The following NID2 variants were observed in gnomAD, a reference collection of about 807,000 sequenced individuals.
NID2 encodes the protein nidogen 2.
Under a neutral mutation model 145.4 loss-of-function variants are expected in NID2, and 83 were observed. The ratio of observed to expected loss-of-function variants is 0.57; its 90% CI spans 0.48 to 0.69. The LOEUF is 0.69. NID2 is among the 30% of genes least tolerant of loss of function. The pLI is 0.00. For synonymous variants in NID2, 739 were observed against 701.3 expected (o/e 1.05, Z -0.85); for missense variants, 1,807 against 1,765.7 (o/e 1.02, Z -0.42).
intron 19 of NID2, 74 bp downstream of exon 19, chr14:52,007,736 T>G: frequency 7.8e-7 from 1 of 1,288,692 alleles, no homozygotes; most frequent in Non-Finnish European, 1.1e-6. Context: ...GATTTCATTT[T>G]GTAGTAAAAT....
Position 52,038,766 on chromosome 14 carries a change from A to AT in NID2, c.2237dup (p.Asn746LysfsTer20). On this transcript the variant is annotated frameshift_variant, in exon 9 of 22. Transcript: ENST00000216286. LOFTEE classifies it high-confidence loss of function. ...CCTTACCTTTGACCGGGCCAATTTG[A>AT]TTGGTCACAGCAAATCTAAGCACTC... 10 of 1,580,270 alleles carry AT rather than the reference A, an allele frequency of 6.3e-6. No individual in the cohort carries two copies. The highest frequency in any genetic ancestry group is 7.7e-6 in the Non-Finnish European group (9 of 1,164,016).
chr14:52,051,541 G>A (rs940444076), intron 5 of NID2, among the ~76,000 whole-genome samples: 1 of 152,182 alleles, frequency 6.6e-6, no homozygotes, highest in Non-Finnish European at 1.5e-5. Flanking sequence ...ACCGGACAAT[G>A]TTCTGTGTCT....
Position 52,015,205 on chromosome 14 carries a change from G to T in NID2, c.3099C>A (p.Thr1033=). 6.2e-7 allele frequency: 1 copy of T among 1,614,098 alleles called. No individual in the cohort carries two copies. Among genetic ancestry groups the T allele is most frequent in the Non-Finnish European group, 8.5e-7 (1 of 1,179,986 alleles). Residue 1033 remains threonine (T), a synonymous_variant, in exon 15 of 22, where the codon ACC becomes ACA. Transcript: ENST00000216286. ...RENLLEHYGG[T]PRDDQYVPQC... ...GGGGCACGTACTGGTCATCCCGGGG[G>T]GTGCCACCGTAGTGCTCCAGCAGGT...
chr14:52,015,046 G>C lies in NID2; in HGVS notation c.3250+8C>G, dbSNP rs762065179. On this transcript the variant is annotated splice_region_variant and intron_variant, in intron 15 of 21. Coordinates refer to ENST00000216286, the MANE Select transcript of NID2 (RefSeq NM_007361.4). ...AGCTGAGGGGAGCGGGGGCGGCCAG[G>C]TGCTTACACGCAGGGGTGGTGCCTG... The C allele has an allele frequency of 1.9e-5, 31 of 1,610,196 alleles. No homozygotes were observed. The highest frequency in any genetic ancestry group is 2.5e-5 in the Non-Finnish European group (29 of 1,178,010).
At chr14:52,046,676 A>G (rs997616360) in intron 5 of NID2, among the ~76,000 whole-genome samples, 2 of 152,364 alleles carry the variant, frequency 1.3e-5, no homozygotes, top group Middle Eastern at 6.8e-3. Flanking sequence ...CTATTACAGA[A>G]AAAGAAGTTA....
intron 2 of NID2, among the ~76,000 whole-genome samples, chr14:52,065,767 T>G (rs541680682): frequency 8.2e-6 from 1 of 122,474 alleles, no homozygotes; most frequent in South Asian, 3.0e-4. Context: ...TGGTTTTTTG[T>G]TCTTGCGATA....
chr14:52,068,270 C>CT, intron 1 of NID2, 107 bp from the exon 2 acceptor site: 3 of 1,118,024 alleles, frequency 2.7e-6, no homozygotes, highest in Non-Finnish European at 2.6e-6. Flanking sequence ...CCTCTCTCTC[C>CT]TTCCCCACTG....
In NID2 at chr14:52,027,267, G is replaced by A. The variant is rs190071879; in HGVS notation, c.2608C>T (p.His870Tyr). ...APAGQARCVH[H>Y]GGSTFSCACL... The stretch of plus-strand genomic sequence containing the variant: ...GCACAGCTGAACGTGCTGCCTCCAT[G>A]GTGAACACACCGGGCCTGCCCAGCA... The change falls in exon 12 of 22, where the codon CAT (histidine) becomes TAT (tyrosine). Residue 870 changes from histidine to tyrosine, a missense_variant. Transcript: ENST00000216286. 4 of 1,598,194 alleles carry A rather than the reference G, an allele frequency of 2.5e-6. No individual in the cohort carries two copies. Among genetic ancestry groups the A allele is most frequent in the South Asian group, 2.2e-5 (2 of 88,944 alleles).
In NID2 at chr14:52,053,704, A is replaced by T. The variant is rs369951540; in HGVS notation, c.1304T>A (p.Val435Asp). ...TTCTTCTTCAGGATGAGCTGGGGGA[A>T]CATCCATTTCCGAAGGCACTGGCCC... is the stretch of plus-strand genomic sequence containing the variant. ...DGGPVPSEMDVPPAHPEEEIV... is the reference protein window; with the variant it reads ...DGGPVPSEMDDPPAHPEEEIV... Residue 435 changes from valine (V) to aspartate (D), a missense_variant, in exon 5 of 22, where the codon GTT (valine) becomes GAT (aspartate). Physicochemically the swap from Val to Asp is radical, Grantham distance 152. Transcript: ENST00000216286. 1.2e-4 allele frequency: 200 copies of T among 1,614,112 alleles called. No homozygotes were observed. The highest frequency in any genetic ancestry group is 1.6e-4 in the Non-Finnish European group (187 of 1,180,036).
chr14:52,049,831 G>C (rs1406511329), intron 5 of NID2, among the ~76,000 whole-genome samples: 2 of 152,140 alleles, frequency 1.3e-5, no homozygotes, highest in African/African-American at 4.8e-5. Context: ...TTCTGGTGAA[G>C]GGAGAGGGGC....
At chr14:52,011,315 C>G (rs1055460831) in intron 17 of NID2, among the ~76,000 whole-genome samples, 4 of 152,210 alleles carry the variant, frequency 2.6e-5, no homozygotes, top group Non-Finnish European at 5.9e-5. Context: ...AGGCGTCACC[C>G]TGAATTCTTA....
At chr14:52,059,803 T>G (rs1025837656) in intron 3 of NID2, among the ~76,000 whole-genome samples, 3 of 152,244 alleles carry the variant, frequency 2.0e-5, no homozygotes, top group African/African-American at 7.2e-5. Flanking sequence ...AACCTCAAAC[T>G]GGGCAGTTTA....
chr14:52,012,337 C>T (rs557965849), intron 16 of NID2, among the ~76,000 whole-genome samples: 16 of 152,324 alleles, frequency 1.1e-4, no homozygotes, highest in African/African-American at 3.6e-4. Flanking sequence ...GGCACAGTGA[C>T]TCACGCCTGT....
At chr14:52,033,110 G>A (rs555618515) in intron 9 of NID2, among the ~76,000 whole-genome samples, 10 of 152,280 alleles carry the variant, frequency 6.6e-5, no homozygotes, top group African/African-American at 2.2e-4. Context: ...CATTCTCTAT[G>A]ACTTGTAAGC....
At position 52,040,834 on chromosome 14, in the gene NID2, C is replaced by G. The variant is rs1792360759; in HGVS notation, c.1843G>C (p.Asp615His). ...CCCGGGTAGAATGTAACTTCCATGTCATGGGTAAAGGCAGCACCTGGAGAT... is the reference window on the plus strand; with the variant it reads ...CCCGGGTAGAATGTAACTTCCATGTGATGGGTAAAGGCAGCACCTGGAGAT... The part of the protein sequence containing the change: ...FSLAGAAFTH[D>H]MEVTFYPGEE... Residue 615 changes from aspartate to histidine, a missense_variant, in exon 8 of 22, where the codon GAC (aspartate) becomes CAC (histidine). Asp to His is a moderately conservative substitution (Grantham distance 81). Transcript: ENST00000216286. The G allele has an allele frequency of 6.2e-7, 1 of 1,614,028 alleles. No homozygotes were observed. The highest frequency in any genetic ancestry group is 1.3e-5 in the African/African-American group (1 of 74,904).
intron 12 of NID2, among the ~76,000 whole-genome samples, chr14:52,026,299 G>A (rs756091823): frequency 2.0e-5 from 3 of 152,212 alleles, no homozygotes; most frequent in Non-Finnish European, 4.4e-5. Flanking sequence ...ACATCAGCTC[G>A]GTGGGCCTGG....
intron 16 of NID2, among the ~76,000 whole-genome samples, chr14:52,012,582 A>AG (rs1857131894): frequency 1.0e-5 from 1 of 99,046 alleles, no homozygotes; most frequent in Non-Finnish European, 2.0e-5. Flanking sequence ...TGGGCAACAC[A>AG]GAGCTACACC....
Position 52,068,116 on chromosome 14 carries a change from C to T in NID2, c.276G>A (p.Thr92=), listed in dbSNP as rs146190571. 5 of 1,613,418 alleles carry T rather than the reference C, an allele frequency of 3.1e-6. No individual in the cohort carries two copies. The East Asian group carries it at 8.9e-5, about 29-fold the overall frequency. Residue 92 remains threonine (T), a synonymous_variant, in exon 2 of 22, where the codon ACG becomes ACA. Transcript: ENST00000216286. ...IISTQDFPRE[T]QYVDYDFPTD... ...TGGGGAAATCATAGTCCACATACTG[C>T]GTTTCCCTGGGGAAGTCCTGAGTGG... is the stretch of plus-strand genomic sequence containing the variant.
At chr14:52,007,670 TAAA>T (rs1472335391) in intron 19 of NID2, 137 bp downstream of exon 19, 160 of 786,216 alleles carry the variant, frequency 2.0e-4, no homozygotes, top group Admixed American at 7.0e-4. Flanking sequence ...TACTAGTACT[TAAA>T]TTTACTAGTA....
Sources: gnomAD v4.1 joint callset for allele counts (sites outside exome capture counted in the v4.1 genomes callset) on GRCh38, gnomAD v4.1.1 for gene constraint, MANE v1.5 for transcripts, NCBI Gene and HGNC (gene_info 2026-07-23, HGNC 2026-07-21) for gene names.